The following JAZF1 variants were observed in gnomAD, a reference collection of about 807,000 sequenced individuals.
The protein encoded by JAZF1 is juxtaposed with another zinc finger protein 1.
In JAZF1, 8 loss-of-function variants were observed where a neutral mutation model predicts 26.4. The ratio of observed to expected loss-of-function variants is 0.30; its 90% CI spans 0.18 to 0.55. The LOEUF (loss-of-function observed/expected upper bound fraction) is 0.55, where lower values mean the gene tolerates loss of function less well. Among genes scored for constraint, JAZF1 ranks in the 20% least tolerant of loss-of-function variants. The pLI is 0.94. For missense variants in JAZF1, 199 were observed against 322.0 expected (o/e 0.62, Z 2.92); for synonymous variants, 126 against 122.3 (o/e 1.03, Z -0.20).
In JAZF1 at chr7:27,830,722, AAACAT is replaced by A. The variant is rs1431510704; in HGVS notation, c.*2073_*2077del. 1 of 194,254 alleles carries A rather than the reference AAACAT, an allele frequency of 5.1e-6. No individual in the cohort carries two copies. The highest frequency in any genetic ancestry group is 2.3e-5 in the African/African-American group (1 of 43,126). The allele number at this position is 194,254 out of a possible 1,614,324, so 12.0% of individuals were successfully genotyped here. ...GACTTAATGTGCTCTGTCCCCAACA[AAACAT>A]ATGAAAATATAATTTAAAGCACAGT... On this transcript the variant is annotated 3_prime_UTR_variant, in exon 5 of 5. Transcript: ENST00000283928.
chr7:28,168,325 T>A (rs1392131309), intron 1 of JAZF1, among the ~76,000 whole-genome samples: 1 of 136,152 alleles, frequency 7.3e-6, no homozygotes, highest in Non-Finnish European at 1.5e-5. Flanking sequence ...GAGTTTGCAG[T>A]GAGCTGCGAC....
chr7:28,121,600 G>C (rs1782606676), intron 1 of JAZF1, among the ~76,000 whole-genome samples: 1 of 152,166 alleles, frequency 6.6e-6, no homozygotes, highest in African/African-American at 2.4e-5. Context: ...AATGACAACT[G>C]GTGCTCAATA....
At chr7:28,144,043 T>C (rs1782992695) in intron 1 of JAZF1, among the ~76,000 whole-genome samples, 1 of 152,174 alleles carries the variant, frequency 6.6e-6, no homozygotes, top group Non-Finnish European at 1.5e-5. Flanking sequence ...GGTGGGTGTG[T>C]TAAGAGGAGG....
rs143998764 is a variant in JAZF1, at chr7:28,131,741, A to G, written c.115+48722T>C. The stretch of plus-strand genomic sequence containing the variant: ...CATAGAGTTTTGCTACCACTCTCGG[A>G]GAGTCAAATATTGCCTAATTTTTCT... On this transcript the variant is annotated intron_variant, in intron 1 of 4. Coordinates refer to ENST00000283928, the MANE Select transcript of JAZF1 (RefSeq NM_175061.4). 6.2e-3 allele frequency among the ~76,000 whole-genome samples: 944 copies of G among 152,324 alleles called. 12 individuals are homozygous for G. The highest frequency in any genetic ancestry group is 0.022 in the African/African-American group (900 of 41,572).
At chr7:28,051,925 T>C (rs1270412570) in intron 1 of JAZF1, among the ~76,000 whole-genome samples, 2 of 152,172 alleles carry the variant, frequency 1.3e-5, no homozygotes, top group Non-Finnish European at 2.9e-5. Flanking sequence ...TAGTGTGGCC[T>C]AGTGGAAAAG....
intron 1 of JAZF1, among the ~76,000 whole-genome samples, chr7:28,110,448 AAAAGGAAAGGAAAGGAAAGGAAAGG>A (rs147739964): frequency 2.8e-4 from 18 of 64,056 alleles, no homozygotes; most frequent in African/African-American, 5.2e-4. Context: ...GAGAGAGAGA[AAAAGGAAAGGAAAGGAAAGGAAAGG>A]AAAGGAAAGG....
At chr7:27,985,732 G>A (rs1395422323) in intron 2 of JAZF1, among the ~76,000 whole-genome samples, 2 of 152,158 alleles carry the variant, frequency 1.3e-5, no homozygotes, top group African/African-American at 4.8e-5. Flanking sequence ...AAATCCAGCA[G>A]CACATCAAAA....
intron 3 of JAZF1, among the ~76,000 whole-genome samples, chr7:27,857,114 C>T (rs969272484): frequency 2.0e-5 from 3 of 152,170 alleles, no homozygotes; most frequent in African/African-American, 4.8e-5. Flanking sequence ...GGGCGGCGCT[C>T]GTCGGGGAGG....
chr7:28,149,581 G>A (rs947575494), intron 1 of JAZF1, among the ~76,000 whole-genome samples: 21 of 152,098 alleles, frequency 1.4e-4, no homozygotes, highest in Admixed American at 2.6e-4. Flanking sequence ...AAATAGGGAG[G>A]TGCATCCAGT....
intron 3 of JAZF1, among the ~76,000 whole-genome samples, chr7:27,860,706 T>C (rs1245923773): frequency 6.6e-6 from 1 of 152,106 alleles, no homozygotes; most frequent in Non-Finnish European, 1.5e-5. Flanking sequence ...CTCCGTGGGG[T>C]GCAAGGGTTC....
At chr7:27,948,626 C>A (rs141750177) in intron 2 of JAZF1, among the ~76,000 whole-genome samples, 1 of 152,234 alleles carries the variant, frequency 6.6e-6, no homozygotes, top group East Asian at 1.9e-4. Flanking sequence ...GCACTTACAG[C>A]CAAGATGTCA....
intron 1 of JAZF1, among the ~76,000 whole-genome samples, chr7:28,072,233 G>T (rs1038150504): frequency 6.6e-6 from 1 of 152,196 alleles, no homozygotes; most frequent in African/African-American, 2.4e-5. Flanking sequence ...CAGTGAGAAA[G>T]TGTGATGATT....
At chr7:28,110,561 G>GA (rs1784640047) in intron 1 of JAZF1, among the ~76,000 whole-genome samples, 2 of 119,138 alleles carry the variant, frequency 1.7e-5, no homozygotes, top group African/African-American at 6.2e-5. Flanking sequence ...AAAGGAAAGG[G>GA]AAAGGAAAAG....
At chr7:28,041,594 T>C (rs1446203043) in intron 1 of JAZF1, among the ~76,000 whole-genome samples, 2 of 152,254 alleles carry the variant, frequency 1.3e-5, no homozygotes, top group Admixed American at 6.5e-5. Flanking sequence ...CTGAGCCTCA[T>C]CAGCCTAAGG....
At chr7:27,904,899 T>G (rs1390436891) in intron 2 of JAZF1, among the ~76,000 whole-genome samples, 1 of 148,636 alleles carries the variant, frequency 6.7e-6, no homozygotes, top group Admixed American at 6.9e-5. Context: ...AAACTAAAAC[T>G]GACAGACTTA....
intron 1 of JAZF1, chr7:28,071,628 C>A (rs1458291632): frequency 2.1e-6 from 1 of 471,820 alleles, no homozygotes; most frequent in Non-Finnish European, 4.4e-6. Flanking sequence ...CATTTGCCAC[C>A]CACATACAGA....
At chr7:28,057,901 G>A (rs1304150311) in intron 1 of JAZF1, among the ~76,000 whole-genome samples, 1 of 151,978 alleles carries the variant, frequency 6.6e-6, no homozygotes, top group Non-Finnish European at 1.5e-5. Flanking sequence ...ACAAACTTTT[G>A]GCTTTCTTGA....
chr7:27,960,680 A>T (rs1785171557), intron 2 of JAZF1, among the ~76,000 whole-genome samples: 2 of 152,192 alleles, frequency 1.3e-5, no homozygotes, highest in South Asian at 4.1e-4. Flanking sequence ...AATTGGAGAA[A>T]TCTGGCAAAA....
chr7:28,127,953 C>T lies in JAZF1; in HGVS notation c.115+52510G>A, dbSNP rs562798373. Among the ~76,000 whole-genome samples the T allele has an allele frequency of 8.5e-5, 13 of 152,204 alleles. No individual in the cohort carries two copies. The South Asian group carries it at 2.3e-3, about 27-fold the overall frequency. The stretch of plus-strand genomic sequence containing the variant: ...ATCATCTCCCACTGGGCCCTTCCCA[C>T]AACACATGGGGATTATGGGAACTAC... On this transcript the variant is annotated intron_variant, in intron 1 of 4. Transcript: ENST00000283928.
Sources: allele counts gnomAD v4.1 joint callset (sites outside exome capture counted in the v4.1 genomes callset), GRCh38; gene constraint gnomAD v4.1.1; transcripts MANE v1.5; gene names NCBI Gene and HGNC (gene_info 2026-07-23, HGNC 2026-07-21).